FBXO11: variants seen among roughly 807,000 people sequenced by gnomAD.
The protein encoded by FBXO11 is F-box only protein 11.
Under a neutral mutation model 117.0 loss-of-function variants are expected in FBXO11, and 13 were observed. That is an observed-to-expected ratio of 0.11 (90% confidence interval 0.07 to 0.18). The LOEUF (loss-of-function observed/expected upper bound fraction) is 0.18, where lower values mean the gene tolerates loss of function less well. Ranked by LOEUF, FBXO11 falls within the 10% of genes least tolerant of loss-of-function variation. FBXO11 has a pLI of 1.00. For missense variants in FBXO11, 767 were observed against 1,164.4 expected (o/e 0.66, Z 4.97); for synonymous variants, 490 against 380.5 (o/e 1.29, Z -3.35).
At chr2:47,876,885 A>T (rs1198959407) in intron 1 of FBXO11, among the ~76,000 whole-genome samples, 1 of 151,924 alleles carries the variant, frequency 6.6e-6, no homozygotes, top group Non-Finnish European at 1.5e-5. Flanking sequence ...TTGAATATTG[A>T]ACTTAGGTTT....
At chr2:47,895,066 G>T (rs1351710265) in intron 1 of FBXO11, among the ~76,000 whole-genome samples, 1 of 152,018 alleles carries the variant, frequency 6.6e-6, no homozygotes, top group Admixed American at 6.5e-5. Flanking sequence ...TCCATTTCTT[G>T]CAAAGTAAAT....
chr2:47,816,555 T>A (rs1410929385), intron 16 of FBXO11, among the ~76,000 whole-genome samples: 1 of 152,176 alleles, frequency 6.6e-6, no homozygotes, highest in South Asian at 2.1e-4. Flanking sequence ...TTTGCCCAGA[T>A]CCATCAGAGG....
At chr2:47,840,860 A>C (rs1258780899) in intron 1 of FBXO11, among the ~76,000 whole-genome samples, 1 of 151,796 alleles carries the variant, frequency 6.6e-6, no homozygotes, top group African/African-American at 2.4e-5. Flanking sequence ...AATTAAAAAA[A>C]AAAAAAGATT....
intron 1 of FBXO11, among the ~76,000 whole-genome samples, chr2:47,874,144 G>A (rs891366773): frequency 6.6e-6 from 1 of 152,134 alleles, no homozygotes; most frequent in African/African-American, 2.4e-5. Context: ...AACCTGGGAG[G>A]CGGAGCTTGC....
intron 1 of FBXO11, chr2:47,905,208 G>A (rs997836549): frequency 1.8e-5 from 4 of 222,700 alleles, no homozygotes; most frequent in Middle Eastern, 1.5e-3. Context: ...GAGCGGAGAA[G>A]CCAAAGGGAT....
Position 47,881,695 on chromosome 2 carries a change from A to C in FBXO11, c.232+23794T>G, listed in dbSNP as rs555301423. On this transcript the variant is annotated intron_variant, in intron 1 of 22. Coordinates refer to ENST00000403359, the MANE Select transcript of FBXO11 (RefSeq NM_001190274.2). ...ATTTTATTAGTTTGATCATTTGTAT[A>C]TCATCAGGGTATACAATATTAACAT... Among the ~76,000 whole-genome samples, 3 of 152,236 alleles carry C rather than the reference A, an allele frequency of 2.0e-5. No homozygotes were observed. In the South Asian group the frequency reaches 6.2e-4, roughly 32 times the overall value.
intron 11 of FBXO11, among the ~76,000 whole-genome samples, chr2:47,824,478 T>A (rs1177329804): frequency 6.6e-6 from 1 of 151,854 alleles, no homozygotes; most frequent in Non-Finnish European, 1.5e-5. Context: ...GACAACAGAG[T>A]CTCAAAAATA....
chr2:47,857,023 T>C (rs1476774342), intron 1 of FBXO11, among the ~76,000 whole-genome samples: 1 of 152,194 alleles, frequency 6.6e-6, no homozygotes, highest in Non-Finnish European at 1.5e-5. Context: ...GATAATGGGA[T>C]AAACTCTGAG....
intron 1 of FBXO11, among the ~76,000 whole-genome samples, chr2:47,851,554 T>C (rs990503151): frequency 6.6e-6 from 1 of 152,086 alleles, no homozygotes; most frequent in African/African-American, 2.4e-5. Flanking sequence ...TTGCTAGTCA[T>C]TGTGAATATG....
intron 1 of FBXO11, among the ~76,000 whole-genome samples, chr2:47,862,823 G>C (rs565714827): frequency 2.0e-5 from 3 of 152,066 alleles, no homozygotes; most frequent in Non-Finnish European, 4.4e-5. Flanking sequence ...CGGAGGCTGA[G>C]GTGGACAGAT....
chr2:47,865,119 A>G (rs1167718003), intron 1 of FBXO11, among the ~76,000 whole-genome samples: 1 of 152,246 alleles, frequency 6.6e-6, no homozygotes, highest in Non-Finnish European at 1.5e-5. Context: ...GGCAGGTAAT[A>G]AGTGCTCAAT....
intron 1 of FBXO11, among the ~76,000 whole-genome samples, chr2:47,841,652 T>C (rs563603338): frequency 6.6e-6 from 1 of 152,244 alleles, no homozygotes; most frequent in South Asian, 2.1e-4. Flanking sequence ...TTATTATTAT[T>C]ATTATTTGAG....
chr2:47,882,774 C>A (rs1676529420), intron 1 of FBXO11, among the ~76,000 whole-genome samples: 1 of 152,160 alleles, frequency 6.6e-6, no homozygotes, highest in Admixed American at 6.5e-5. Context: ...ACCTCAGACT[C>A]CCAAGTAGCT....
chr2:47,869,091 A>G (rs1285700986), intron 1 of FBXO11, among the ~76,000 whole-genome samples: 1 of 152,150 alleles, frequency 6.6e-6, no homozygotes, highest in African/African-American at 2.4e-5. Context: ...TGTGTTCTGA[A>G]TCAGTGTGCT....
intron 1 of FBXO11, among the ~76,000 whole-genome samples, chr2:47,841,656 A>ATTC (rs1243841808): frequency 6.6e-6 from 1 of 152,044 alleles, no homozygotes; most frequent in Non-Finnish European, 1.5e-5. Flanking sequence ...TATTATTATT[A>ATTC]TTTGAGATGG....
intron 1 of FBXO11, among the ~76,000 whole-genome samples, chr2:47,888,313 A>G (rs936592564): frequency 6.6e-6 from 1 of 152,208 alleles, no homozygotes; most frequent in African/African-American, 2.4e-5. Flanking sequence ...CTAAATCCAA[A>G]CATCACTCTG....
intron 1 of FBXO11, among the ~76,000 whole-genome samples, chr2:47,886,936 G>C (rs547844782): frequency 1.3e-3 from 193 of 152,276 alleles, no homozygotes; most frequent in Non-Finnish European, 1.8e-3. Flanking sequence ...CTAATCGAGA[G>C]GCAGAGGTTG....
chr2:47,902,624 G>A (rs1443843158), intron 1 of FBXO11, among the ~76,000 whole-genome samples: 2 of 152,024 alleles, frequency 1.3e-5, no homozygotes, highest in Non-Finnish European at 2.9e-5. Context: ...TAAAAGTGGT[G>A]TCAAGGAAGT....
chr2:47,813,987 T>C (rs533841498), intron 16 of FBXO11, 120 bp from the exon 17 acceptor site: 1 of 733,818 alleles, frequency 1.4e-6, no homozygotes, highest in South Asian at 1.7e-5. Context: ...AACTATACAA[T>C]GGAGTCCAAG....
Sources: allele counts gnomAD v4.1 joint callset (sites outside exome capture counted in the v4.1 genomes callset), GRCh38; gene constraint gnomAD v4.1.1; transcripts MANE v1.5; gene names NCBI Gene and HGNC (gene_info 2026-07-23, HGNC 2026-07-21).